DHX35: variants seen among roughly 807,000 people sequenced by gnomAD.
The protein encoded by DHX35 is probable ATP-dependent RNA helicase DHX35.
In DHX35, 84 loss-of-function variants were observed where a neutral mutation model predicts 99.6. The observed-to-expected ratio is 0.84, with a 90% CI of 0.71 to 1.01. The LOEUF (loss-of-function observed/expected upper bound fraction) is 1.01. Ranked by LOEUF, DHX35 falls within the 50% of genes least tolerant of loss-of-function variation. The probability of loss-of-function intolerance (pLI) is 0.00; values close to 1 mark genes in which losing one functional copy is unlikely to be tolerated. For missense variants in DHX35, 852 were observed against 888.5 expected (o/e 0.96, Z 0.52); for synonymous variants, 331 against 316.2 (o/e 1.05, Z -0.50).
intron 3 of DHX35, among the ~76,000 whole-genome samples, chr20:38,976,368 A>G (rs1465164825): frequency 1.3e-5 from 2 of 149,130 alleles, no homozygotes; most frequent in Non-Finnish European, 3.0e-5. Context: ...ATGCACATAT[A>G]TGCCCTATTT....
chr20:38,978,119 A>G, intron 3 of DHX35: 1 of 774,822 alleles, frequency 1.3e-6, no homozygotes, highest in Non-Finnish European at 2.4e-6. Flanking sequence ...CCACACTTCA[A>G]CTGTAAGACC....
intron 3 of DHX35, among the ~76,000 whole-genome samples, chr20:38,982,175 G>A (rs2086184547): frequency 7.5e-6 from 1 of 133,162 alleles, no homozygotes; most frequent in Non-Finnish European, 1.6e-5. Context: ...GCTCTTTTGA[G>A]CCTTTCTTTA....
chr20:39,038,668 T>G lies in DHX35; in HGVS notation c.*125T>G, dbSNP rs1278255976. On this transcript the variant is annotated 3_prime_UTR_variant, in exon 22 of 22. Transcript: ENST00000252011. ...AATGTTTGGTTGCTCTGAAGTGGGC[T>G]GCGGCCTGTTCATTAGTCCTTTCTT... is the stretch of plus-strand genomic sequence containing the variant. 1 of 943,108 alleles carries G rather than the reference T, an allele frequency of 1.1e-6. No homozygotes were observed. Among genetic ancestry groups the G allele is most frequent in the Non-Finnish European group, 1.6e-6 (1 of 623,016 alleles). The allele number at this position is 943,108 out of a possible 1,614,324, so 58.4% of individuals were successfully genotyped here.
In DHX35 at chr20:39,038,603, C is replaced by G; in HGVS notation, c.*60C>G. ...GCGTCCTCTCCTCCATGCTGCTGCCCCTGGTCCCAGGTGGGGTGAGCTGGC... is the reference window on the plus strand; with the variant it reads ...GCGTCCTCTCCTCCATGCTGCTGCCGCTGGTCCCAGGTGGGGTGAGCTGGC... On this transcript the variant is annotated 3_prime_UTR_variant, in exon 22 of 22. Coordinates refer to ENST00000252011, the MANE Select transcript of DHX35 (RefSeq NM_021931.4). 1 of 1,569,140 alleles carries G rather than the reference C, an allele frequency of 6.4e-7. No homozygotes were observed. The highest frequency in any genetic ancestry group is 8.6e-7 in the Non-Finnish European group (1 of 1,157,324).
At chr20:38,999,189 A>T (rs1210838137) in intron 8 of DHX35, among the ~76,000 whole-genome samples, 2 of 151,976 alleles carry the variant, frequency 1.3e-5, no homozygotes, top group East Asian at 3.9e-4. Flanking sequence ...TTGTCAAGGC[A>T]TCATCTTCTT....
In DHX35 at chr20:39,003,795, C is replaced by T. The variant is rs2086564808; in HGVS notation, c.899C>T (p.Ala300Val). 1.2e-6 allele frequency: 2 copies of T among 1,614,080 alleles called. No individual in the cohort carries two copies. The highest frequency in any genetic ancestry group is 1.7e-6 in the Non-Finnish European group (2 of 1,180,032). ...TCGATGCTCATCGAGCAGGCTCGAG[C>T]ACTAGCTCGCACTGGGATGAAGAGA... ...VVSMLIEQAR[A>V]LARTGMKRHL... The change falls in exon 11 of 22, where the codon GCA (alanine) becomes GTA (valine). Residue 300 changes from alanine to valine, a missense_variant. By Grantham distance (64) the Ala-to-Val change is moderately conservative (BLOSUM62 0). Coordinates refer to ENST00000252011, the MANE Select transcript of DHX35 (RefSeq NM_021931.4).
At chr20:39,031,838 G>A (rs560161029) in intron 20 of DHX35, among the ~76,000 whole-genome samples, 5 of 152,322 alleles carry the variant, frequency 3.3e-5, no homozygotes, top group South Asian at 4.1e-4. Context: ...GGTATTCTAG[G>A]TAGAGAAGTA....
chr20:39,011,562 C>T (rs2086703364), intron 13 of DHX35, among the ~76,000 whole-genome samples: 1 of 152,182 alleles, frequency 6.6e-6, no homozygotes, highest in Admixed American at 6.5e-5. Context: ...GTCTCAAACT[C>T]CTGAGCAGGT....
rs543435160 is a variant in DHX35, at chr20:38,993,689, T to C, written c.583-1132T>C. Among the ~76,000 whole-genome samples the C allele has an allele frequency of 4.6e-5, 7 of 151,352 alleles. No individual in the cohort carries two copies. The South Asian group carries it at 1.0e-3, about 23-fold the overall frequency. On this transcript the variant is annotated intron_variant, in intron 7 of 21. Coordinates refer to ENST00000252011, the MANE Select transcript of DHX35 (RefSeq NM_021931.4). Reference sequence around the variant, plus strand: ...CACATTGGCTATTTTTCTTTTCTTTTTTTTTTTTTTTCACGTTGGCTATTT... The same window carrying C: ...CACATTGGCTATTTTTCTTTTCTTTCTTTTTTTTTTTCACGTTGGCTATTT...
intron 8 of DHX35, among the ~76,000 whole-genome samples, chr20:38,995,510 G>A (rs572767913): frequency 3.3e-5 from 5 of 150,460 alleles, no homozygotes; most frequent in Non-Finnish European, 7.4e-5. Context: ...GGCAACAAGA[G>A]CAAAACTTCA....
intron 17 of DHX35, 135 bp downstream of exon 17, chr20:39,023,902 C>T: frequency 2.8e-6 from 2 of 701,956 alleles, no homozygotes; most frequent in Non-Finnish European, 4.8e-6. Context: ...AGATTTATTG[C>T]CAGTACTTCT....
chr20:39,005,981 C>T (rs897970249), intron 11 of DHX35, among the ~76,000 whole-genome samples, 165 bp from the exon 12 acceptor site: 4 of 152,078 alleles, frequency 2.6e-5, no homozygotes, highest in Non-Finnish European at 5.9e-5. Context: ...GAATTCAAAC[C>T]CAGGGCACCC....
At chr20:38,999,565 T>C (rs761054677) in intron 8 of DHX35, among the ~76,000 whole-genome samples, 35 of 152,202 alleles carry the variant, frequency 2.3e-4, no homozygotes, top group Non-Finnish European at 4.0e-4. Flanking sequence ...CTCCATTGCT[T>C]TAAGAAGTTT....
At chr20:39,020,719 C>T (rs1365591703) in intron 15 of DHX35, among the ~76,000 whole-genome samples, 1 of 133,412 alleles carries the variant, frequency 7.5e-6, no homozygotes, top group Non-Finnish European at 1.5e-5. Flanking sequence ...AGTGCAGTGG[C>T]GCAATCTCAG....
At chr20:39,011,256 GT>G (rs1187137257) in intron 13 of DHX35, among the ~76,000 whole-genome samples, 285 of 143,004 alleles carry the variant, frequency 2.0e-3, no homozygotes, top group African/African-American at 5.2e-3. Context: ...ATATTTTACT[GT>G]TTTTTTTTTA....
At position 38,969,070 on chromosome 20, in the gene DHX35, T is replaced by C. The variant is rs1178340961; in HGVS notation, c.41-11T>C. ...ATCAGAGAATCTGAAAAAAAAACAT[T>C]TCTGCTGCAGGTACAGAGGGGCCAG... is the stretch of plus-strand genomic sequence containing the variant. On this transcript the variant is annotated splice_polypyrimidine_tract_variant and intron_variant, in intron 1 of 21. Transcript: ENST00000252011. The C allele has an allele frequency of 4.4e-6, 7 of 1,579,470 alleles. No homozygotes were observed. Among genetic ancestry groups the C allele is most frequent in the Non-Finnish European group, 6.0e-6 (7 of 1,164,790 alleles).
chr20:39,021,240 C>A (rs1192935928), intron 15 of DHX35, among the ~76,000 whole-genome samples: 1 of 152,204 alleles, frequency 6.6e-6, no homozygotes, highest in Non-Finnish European at 1.5e-5. Context: ...GCCGCTCATT[C>A]CCTGTCCCCT....
At chr20:38,989,643 C>A (rs2086307718) in intron 5 of DHX35, among the ~76,000 whole-genome samples, 4 of 151,984 alleles carry the variant, frequency 2.6e-5, no homozygotes, top group Admixed American at 2.6e-4. Flanking sequence ...TAGAAACAAG[C>A]CTGTAAAAGG....
Position 38,999,277 on chromosome 20 carries a change from T to C in DHX35, c.643-2453T>C, listed in dbSNP as rs551150513. 6.3e-4 allele frequency among the ~76,000 whole-genome samples: 96 copies of C among 152,068 alleles called. 2 individuals carry two copies. The highest frequency in any genetic ancestry group is 2.2e-3 in the African/African-American group (93 of 41,508). On this transcript the variant is annotated intron_variant, in intron 8 of 21. Transcript: ENST00000252011. Reference sequence around the variant, plus strand: ...TAAAATCTTCCTCCTTCTCCTTCCATAGCTCCTGGAGCCCTGCTGACTTCC... The same window carrying C: ...TAAAATCTTCCTCCTTCTCCTTCCACAGCTCCTGGAGCCCTGCTGACTTCC...
Sources: gnomAD v4.1 joint callset for allele counts (sites outside exome capture counted in the v4.1 genomes callset) on GRCh38, gnomAD v4.1.1 for gene constraint, MANE v1.5 for transcripts, NCBI Gene and HGNC (gene_info 2026-07-23, HGNC 2026-07-21) for gene names.